The following PYM1 variants were observed in gnomAD, a reference collection of about 807,000 sequenced individuals.
PYM1 encodes partner of Y14 and mago.
PYM1 carries 7 observed loss-of-function variants against 20.7 expected under a neutral mutation model. The observed-to-expected ratio is 0.34, with a 90% CI of 0.19 to 0.64. The LOEUF is 0.64. Ranked by LOEUF, PYM1 falls within the 30% of genes least tolerant of loss-of-function variation. The pLI, the probability that PYM1 is intolerant of heterozygous loss-of-function variation, is 0.74. For synonymous variants in PYM1, 100 were observed against 99.2 expected (o/e 1.01, Z -0.05); for missense variants, 194 against 250.0 (o/e 0.78, Z 1.51).
chr12:55,911,270 G>A (rs1269611966), intron 1 of PYM1, among the ~76,000 whole-genome samples: 1 of 151,720 alleles, frequency 6.6e-6, no homozygotes, highest in Non-Finnish European at 1.5e-5. Context: ...CACCACGTCC[G>A]GCTAATTTTT....
Position 55,905,638 on chromosome 12 carries a change from G to C in PYM1, c.38-2158C>G, listed in dbSNP as rs1041556033. Among the ~76,000 whole-genome samples, 14 of 148,522 alleles carry C rather than the reference G, an allele frequency of 9.4e-5. 1 individual carries two copies. In the Admixed American group the frequency reaches 9.8e-4, roughly 10 times the overall value. ...GAACTGCTTGAACCCACGAGGCGGA[G>C]GTTGCAGTGAGTGGAGATTGCGCCA... On this transcript the variant is annotated intron_variant, in intron 1 of 2. Transcript: ENST00000408946.
chr12:55,920,640 AAAAAAAAAAG>A (rs980453542), intron 1 of PYM1, among the ~76,000 whole-genome samples: 10 of 151,906 alleles, frequency 6.6e-5, no homozygotes, highest in African/African-American at 1.4e-4. Flanking sequence ...CCGTCTCAAA[AAAAAAAAAAG>A]AAAAAAAAAG....
At chr12:55,912,527 T>C (rs778992681) in intron 1 of PYM1, among the ~76,000 whole-genome samples, 1 of 151,394 alleles carries the variant, frequency 6.6e-6, no homozygotes, top group African/African-American at 2.4e-5. Context: ...GAGGCTGCAG[T>C]GAGCCAAGAT....
At position 55,902,065 on chromosome 12, in the gene PYM1, T is replaced by C; in HGVS notation, c.422A>G (p.Gln141Arg). ...SRAAPTAASDQPDSAATTEKA... is the reference protein window; with the variant it reads ...SRAAPTAASDRPDSAATTEKA... ...CTCAGTGGTGGCAGCTGAGTCAGGC[T>C]GGTCAGATGCAGCTGTGGGGGCTGC... The change falls in exon 3 of 3, where the codon CAG (glutamine) becomes CGG (arginine). Residue 141 changes from glutamine to arginine, a missense_variant. Coordinates refer to ENST00000408946, the MANE Select transcript of PYM1 (RefSeq NM_032345.3). The C allele has an allele frequency of 6.2e-7, 1 of 1,614,216 alleles. No individual in the cohort carries two copies. Among genetic ancestry groups the C allele is most frequent in the Non-Finnish European group, 8.5e-7 (1 of 1,180,040 alleles).
chr12:55,908,310 T>C (rs1341983922), intron 1 of PYM1, among the ~76,000 whole-genome samples: 1 of 151,694 alleles, frequency 6.6e-6, no homozygotes, highest in Non-Finnish European at 1.5e-5. Context: ...ACGTTTGTAA[T>C]CCCAGCTACT....
intron 1 of PYM1, among the ~76,000 whole-genome samples, chr12:55,907,185 C>T (rs1418686543): frequency 6.6e-6 from 1 of 151,434 alleles, no homozygotes; most frequent in Non-Finnish European, 1.5e-5. Flanking sequence ...TTTTTAAGGC[C>T]AGATGCGGCG....
At chr12:55,905,180 T>G (rs977709461) in intron 1 of PYM1, among the ~76,000 whole-genome samples, 7 of 150,308 alleles carry the variant, frequency 4.7e-5, no homozygotes, top group African/African-American at 1.5e-4. Flanking sequence ...TTTTTTTTTT[T>G]TTGTATTTTT....
intron 1 of PYM1, among the ~76,000 whole-genome samples, chr12:55,923,754 T>G (rs1466100352): frequency 1.3e-5 from 2 of 151,938 alleles, no homozygotes; most frequent in Non-Finnish European, 2.9e-5. Flanking sequence ...TCTAAAAGTG[T>G]TCTAAAAAAT....
intron 1 of PYM1, among the ~76,000 whole-genome samples, chr12:55,920,681 T>C (rs936807876): frequency 2.0e-5 from 3 of 148,440 alleles, no homozygotes; most frequent in African/African-American, 7.4e-5. Flanking sequence ...TAACCCTAAA[T>C]GCCGAAAAAG....
intron 1 of PYM1, among the ~76,000 whole-genome samples, chr12:55,905,097 G>A (rs1045163751): frequency 2.0e-5 from 3 of 151,364 alleles, no homozygotes; most frequent in African/African-American, 7.3e-5. Context: ...TGCCTCCCGG[G>A]TTCACGCCAT....
chr12:55,927,436 G>C (rs1208679903), intron 1 of PYM1: 1 of 707,862 alleles, frequency 1.4e-6, no homozygotes, highest in East Asian at 2.7e-5. Flanking sequence ...AGGGAAAAGG[G>C]CGCAAGGCCC....
At chr12:55,927,319 A>G in intron 1 of PYM1, 2 of 790,702 alleles carry the variant, frequency 2.5e-6, no homozygotes, top group Non-Finnish European at 4.3e-6. Flanking sequence ...CACCGATACC[A>G]TTACTGAGCG....
chr12:55,911,764 C>T (rs1882927008), intron 1 of PYM1, among the ~76,000 whole-genome samples: 1 of 151,666 alleles, frequency 6.6e-6, no homozygotes, highest in South Asian at 2.1e-4. Context: ...TCACTTGATC[C>T]CAGGAGGGGG....
chr12:55,904,850 T>C (rs2136257214), intron 1 of PYM1, among the ~76,000 whole-genome samples: 1 of 151,812 alleles, frequency 6.6e-6, no homozygotes, highest in Middle Eastern at 3.4e-3. Flanking sequence ...ATAAATGTTC[T>C]GACACTGACT....
chr12:55,904,093 G>A (rs1385028722), intron 1 of PYM1, among the ~76,000 whole-genome samples: 3 of 151,812 alleles, frequency 2.0e-5, no homozygotes, highest in Non-Finnish European at 4.4e-5. Flanking sequence ...TCAGCCTCCC[G>A]AGTAGCTAGG....
intron 1 of PYM1, chr12:55,914,055 T>G (rs932058871): frequency 2.2e-5 from 9 of 404,136 alleles, no homozygotes; most frequent in East Asian, 1.4e-4. Flanking sequence ...GAAAACAACT[T>G]TGTGGAAACA....
intron 1 of PYM1, among the ~76,000 whole-genome samples, chr12:55,909,279 C>CA (rs1882879711): frequency 6.6e-6 from 1 of 152,064 alleles, no homozygotes; most frequent in Non-Finnish European, 1.5e-5. Flanking sequence ...AAAAGGGAGA[C>CA]AGAGTAGATT....
At chr12:55,907,420 G>GAAACCCTGTCTCTACATACA (rs1477992445) in intron 1 of PYM1, among the ~76,000 whole-genome samples, 3 of 128,482 alleles carry the variant, frequency 2.3e-5, no homozygotes, top group African/African-American at 6.1e-5. Context: ...ACAACATGGT[G>GAAACCCTGTCTCTACATACA]AAACCCTGTC....
chr12:55,905,362 TTA>T (rs1017550062), intron 1 of PYM1, among the ~76,000 whole-genome samples: 3 of 151,632 alleles, frequency 2.0e-5, no homozygotes, highest in African/African-American at 7.3e-5. Flanking sequence ...ACTAAAGTAT[TTA>T]AGTACATGGA....
Sources: allele counts gnomAD v4.1 joint callset (sites outside exome capture counted in the v4.1 genomes callset), GRCh38; gene constraint gnomAD v4.1.1; transcripts MANE v1.5; gene names NCBI Gene and HGNC (gene_info 2026-07-23, HGNC 2026-07-21).